The following FRMD6 variants were observed in gnomAD, a reference collection of about 807,000 sequenced individuals.
FRMD6 encodes the protein FERM domain-containing protein 6.
A neutral mutation model predicts 73.2 loss-of-function variants in FRMD6; 37 were observed. The observed-to-expected ratio is 0.51, with a 90% CI of 0.39 to 0.66. The LOEUF is 0.66. Among genes scored for constraint, FRMD6 ranks in the 30% least tolerant of loss-of-function variants. FRMD6 has a pLI of 0.00. For synonymous variants in FRMD6, 273 were observed against 282.2 expected (o/e 0.97, Z 0.33); for missense variants, 714 against 780.5 (o/e 0.91, Z 1.02).
At chr14:51,513,623 ATTT>A (rs5808615) in intron 1 of FRMD6, among the ~76,000 whole-genome samples, 19 of 149,654 alleles carry the variant, frequency 1.3e-4, no homozygotes, top group East Asian at 9.8e-4. Flanking sequence ...GAATCTCTAC[ATTT>A]TTTTTTTTTT....
At chr14:51,567,435 C>G (rs1887837595) in intron 1 of FRMD6, among the ~76,000 whole-genome samples, 1 of 152,166 alleles carries the variant, frequency 6.6e-6, no homozygotes, top group Non-Finnish European at 1.5e-5. Flanking sequence ...CAACCTCCAA[C>G]TCCTGGGCTC....
At chr14:51,435,651 G>C in the FRMD6 span, among the ~76,000 whole-genome samples, 2 of 152,166 alleles carry the variant, frequency 1.3e-5, no homozygotes, top group African/African-American at 2.4e-5. Flanking sequence ...GAAGGGTAGA[G>C]GGAAGGGGAG....
chr14:51,532,801 C>T (rs916161885), intron 1 of FRMD6, among the ~76,000 whole-genome samples: 5 of 152,220 alleles, frequency 3.3e-5, no homozygotes, highest in Non-Finnish European at 7.3e-5. Flanking sequence ...TCAGATCTGG[C>T]CCACAAACTG....
chr14:51,515,282 A>G (rs1194334208), intron 1 of FRMD6, among the ~76,000 whole-genome samples: 2 of 152,220 alleles, frequency 1.3e-5, no homozygotes, highest in African/African-American at 2.4e-5. Context: ...TAACTCCAGG[A>G]CATAACTCAG....
the FRMD6 span, among the ~76,000 whole-genome samples, chr14:51,463,969 T>C: frequency 6.6e-6 from 1 of 152,014 alleles, no homozygotes; most frequent in African/African-American, 2.4e-5. Context: ...AGGCGTGCAC[T>C]ACCATGTGTG....
rs768306827 is a variant in FRMD6 at position 51,605,617 on chromosome 14, C to T, written c.-147+35207C>T. On this transcript the variant is annotated intron_variant, in intron 2 of 14. Coordinates refer to the FRMD6 transcript ENST00000356218. ...GAGAGAATATATACCTTAAAAGGCA[C>T]TTCAGGGAGGTGTCATGCCCCCATC... Among the ~76,000 whole-genome samples the T allele has an allele frequency of 1.0e-3, 156 of 152,222 alleles. 1 individual carries two copies. The highest frequency in any genetic ancestry group is 1.6e-3 in the Non-Finnish European group (110 of 68,024).
At chr14:51,605,456 C>T (rs959367621) in intron 2 of FRMD6, among the ~76,000 whole-genome samples, 1 of 152,132 alleles carries the variant, frequency 6.6e-6, no homozygotes. Context: ...GAATTTGCTA[C>T]ATCAAATAAG....
At chr14:51,707,993 T>C in intron 6 of FRMD6, 85 bp from the exon 7 acceptor site, 2 of 1,325,832 alleles carry the variant, frequency 1.5e-6, no homozygotes, top group Non-Finnish European at 2.1e-6. Context: ...TTTTAGCTTC[T>C]CATTCTTTCA....
intron 2 of FRMD6, among the ~76,000 whole-genome samples, chr14:51,636,640 T>G (rs1438283206): frequency 6.6e-6 from 1 of 152,168 alleles, no homozygotes. Context: ...AGTTATCATA[T>G]GAAAGGTTAA....
chr14:51,502,198 A>G (rs1883665887), intron 1 of FRMD6, among the ~76,000 whole-genome samples: 1 of 152,062 alleles, frequency 6.6e-6, no homozygotes, highest in African/African-American at 2.4e-5. Flanking sequence ...AGCTCTTTAG[A>G]TTAATTAGAT....
At chr14:51,625,366 T>C (rs1891076687) in intron 2 of FRMD6, among the ~76,000 whole-genome samples, 1 of 152,066 alleles carries the variant, frequency 6.6e-6, no homozygotes, top group Non-Finnish European at 1.5e-5. Flanking sequence ...TTTCAGAAAA[T>C]AGATGATGAA....
intron 1 of FRMD6, among the ~76,000 whole-genome samples, chr14:51,493,016 A>C (rs761469667): frequency 6.6e-6 from 1 of 152,180 alleles, no homozygotes; most frequent in Non-Finnish European, 1.5e-5. Flanking sequence ...ATATAGGTAC[A>C]TGACACTGAT....
At chr14:51,705,690 A>G (rs924627321) in intron 6 of FRMD6, among the ~76,000 whole-genome samples, 6 of 152,026 alleles carry the variant, frequency 3.9e-5, no homozygotes, top group African/African-American at 1.4e-4. Flanking sequence ...CAGCTTCTTT[A>G]CTTCCCACAA....
the FRMD6 span, among the ~76,000 whole-genome samples, chr14:51,445,283 G>A: frequency 6.6e-6 from 1 of 152,156 alleles, no homozygotes; most frequent in South Asian, 2.1e-4. Context: ...CAGCCTCCAG[G>A]AGAGTCGCCT....
the FRMD6 span, among the ~76,000 whole-genome samples, chr14:51,402,250 G>A: frequency 6.6e-6 from 1 of 152,212 alleles, no homozygotes; most frequent in Non-Finnish European, 1.5e-5. Context: ...TAAAAGAGAT[G>A]TGAGAGAACA....
the FRMD6 span, among the ~76,000 whole-genome samples, chr14:51,470,342 C>A: frequency 6.6e-6 from 1 of 152,116 alleles, no homozygotes; most frequent in Non-Finnish European, 1.5e-5. Flanking sequence ...TATGGTGAAA[C>A]CCTGTCTCTA....
At chr14:51,400,137 C>T in the FRMD6 span, among the ~76,000 whole-genome samples, 8 of 125,944 alleles carry the variant, frequency 6.4e-5, no homozygotes, top group Non-Finnish European at 9.6e-5. Context: ...AAAGTCCTCT[C>T]TTTTAGCTAT....
intron 2 of FRMD6, among the ~76,000 whole-genome samples, chr14:51,628,800 CAAAAA>C (rs764713119): frequency 1.9e-5 from 1 of 52,324 alleles, no homozygotes; most frequent in Non-Finnish European, 3.4e-5. Context: ...GACTCTGTCT[CAAAAA>C]AAAAAAAAAA....
At chr14:51,696,320 G>C (rs984404906) in intron 2 of FRMD6, among the ~76,000 whole-genome samples, 3 of 151,210 alleles carry the variant, frequency 2.0e-5, no homozygotes, top group African/African-American at 7.3e-5. Context: ...AGAATCAGCA[G>C]AATTACTGTC....
Sources: allele counts gnomAD v4.1 joint callset (sites outside exome capture counted in the v4.1 genomes callset), GRCh38; gene constraint gnomAD v4.1.1; transcripts MANE v1.5; gene names NCBI Gene and HGNC (gene_info 2026-07-23, HGNC 2026-07-21).